Variants in PTK2 observed in about 807,000 individuals in gnomAD.
The protein encoded by PTK2 is protein tyrosine kinase 2, also known as focal adhesion kinase 1.
A neutral mutation model predicts 150.1 loss-of-function variants in PTK2; 45 were observed. That is an observed-to-expected ratio of 0.30 (90% CI 0.24 to 0.38). The LOEUF (loss-of-function observed/expected upper bound fraction) is 0.38, where lower values mean the gene tolerates loss of function less well. Ranked by LOEUF, PTK2 falls within the 10% of genes least tolerant of loss-of-function variation. PTK2 has a pLI of 1.00. For synonymous variants in PTK2, 432 were observed against 449.2 expected (o/e 0.96, Z 0.48); for missense variants, 919 against 1,307.3 (o/e 0.70, Z 4.58).
intron 20 of PTK2, among the ~76,000 whole-genome samples, chr8:140,740,041 G>A (rs983617277): frequency 6.6e-6 from 1 of 152,192 alleles, no homozygotes; most frequent in Non-Finnish European, 1.5e-5. Flanking sequence ...GGGGCAATGG[G>A]ATAAGAAGGA....
intron 26 of PTK2, among the ~76,000 whole-genome samples, chr8:140,699,833 G>A (rs370948441): frequency 3.3e-4 from 50 of 151,648 alleles, no homozygotes; most frequent in African/African-American, 1.1e-3. Context: ...TTAGGAGACA[G>A]AGTCTTGCTC....
intron 23 of PTK2, among the ~76,000 whole-genome samples, chr8:140,716,495 G>T (rs1277432042): frequency 6.6e-6 from 1 of 152,134 alleles, no homozygotes; most frequent in African/African-American, 2.4e-5. Flanking sequence ...CTGGGCCTCG[G>T]TCCTTCTCTC....
At chr8:140,674,538 G>A (rs1473774200) in intron 28 of PTK2, 134 bp from the exon 32 acceptor site, 12 of 718,792 alleles carry the variant, frequency 1.7e-5, no homozygotes, top group South Asian at 3.3e-5. Flanking sequence ...TCAGGAATTC[G>A]AGATCAGCCT....
At chr8:140,883,086 C>T (rs923733836) in intron 3 of PTK2, among the ~76,000 whole-genome samples, 4 of 152,146 alleles carry the variant, frequency 2.6e-5, no homozygotes, top group Non-Finnish European at 5.9e-5. Context: ...TTGCTTGGTT[C>T]CATTTAGCCA....
chr8:140,858,872 T>C (rs2100134416), intron 5 of PTK2, among the ~76,000 whole-genome samples: 2 of 152,146 alleles, frequency 1.3e-5, no homozygotes, highest in South Asian at 4.1e-4. Context: ...AAACAATTAG[T>C]ATCAAATGAG....
rs1311002680 is a variant in PTK2 at position 140,775,160 on chromosome 8, ATTTCCCTC to A, written c.1178-10878_1178-10871del. Among the ~76,000 whole-genome samples the A allele has an allele frequency of 3.9e-5, 6 of 152,214 alleles. No homozygotes were observed. In the South Asian group the frequency reaches 1.0e-3, roughly 26 times the overall value. ...AACTCCTTTCAGGTAACACCATGGTATTTCCCTCTTTCGGGGGAACCAGGATTCAATGT... is the reference window on the plus strand; with the variant it reads ...AACTCCTTTCAGGTAACACCATGGTATTTCGGGGGAACCAGGATTCAATGT... On this transcript the variant is annotated intron_variant, in intron 14 of 31. Coordinates refer to ENST00000522684, the Ensembl canonical transcript of PTK2.
At chr8:140,800,519 C>T in exon 12 of PTK2, 1 of 1,613,948 alleles carries the variant, frequency 6.2e-7, no homozygotes, top group Non-Finnish European at 8.5e-7. Flanking sequence ...CAGTACCCAT[C>T]TATTAGGTCA....
chr8:140,746,016 AAAAAG>A (rs2100058519), intron 18 of PTK2, among the ~76,000 whole-genome samples: 1 of 151,880 alleles, frequency 6.6e-6, no homozygotes, highest in Admixed American at 6.6e-5. Context: ...AAAAAAAAGA[AAAAAG>A]AAAAAAGAAA....
intron 1 of PTK2, among the ~76,000 whole-genome samples, chr8:140,989,889 CAA>C (rs1188789380): frequency 1.6e-5 from 2 of 127,578 alleles, no homozygotes; most frequent in Non-Finnish European, 3.3e-5. Flanking sequence ...GTCTGGGCAA[CAA>C]GAGCAAAACT....
At chr8:140,876,433 A>C (rs528534771) in intron 4 of PTK2, among the ~76,000 whole-genome samples, 1 of 152,198 alleles carries the variant, frequency 6.6e-6, no homozygotes, top group South Asian at 2.1e-4. Flanking sequence ...AAAAGTCTGA[A>C]TTTTTCTCTG....
At chr8:140,963,092 AC>A (rs1004313356) in intron 1 of PTK2, among the ~76,000 whole-genome samples, 38 of 152,244 alleles carry the variant, frequency 2.5e-4, no homozygotes, top group African/African-American at 8.7e-4. Flanking sequence ...GACCACTGAT[AC>A]CAACACGCAC....
At chr8:140,804,569 C>T (rs1321258237) in intron 10 of PTK2, among the ~76,000 whole-genome samples, 1 of 152,136 alleles carries the variant, frequency 6.6e-6, no homozygotes, top group Non-Finnish European at 1.5e-5. Flanking sequence ...ATACATGAAT[C>T]TTCCATCCTT....
intron 2 of PTK2, among the ~76,000 whole-genome samples, chr8:140,912,897 G>A (rs894233480): frequency 2.0e-5 from 3 of 152,092 alleles, no homozygotes; most frequent in Non-Finnish European, 2.9e-5. Context: ...AGTGAGCCGA[G>A]ATCGTGCCAC....
chr8:140,858,502 GA>G (rs2154605376), intron 5 of PTK2, among the ~76,000 whole-genome samples: 1 of 151,372 alleles, frequency 6.6e-6, no homozygotes, highest in East Asian at 1.9e-4. Context: ...AAACCAAAGA[GA>G]AAAAAGGATC....
chr8:140,941,344 T>C (rs76055082), intron 1 of PTK2, among the ~76,000 whole-genome samples: 4,098 of 152,290 alleles, frequency 0.027, 114 homozygotes, highest in African/African-American at 0.076. Context: ...AACACACAAA[T>C]AGTTCTCTGC....
At chr8:140,705,699 A>T (rs1231547648) in intron 24 of PTK2, among the ~76,000 whole-genome samples, 1 of 152,248 alleles carries the variant, frequency 6.6e-6, no homozygotes, top group Non-Finnish European at 1.5e-5. Flanking sequence ...TTTGCACAGG[A>T]TATCTATCTA....
At chr8:140,727,621 T>C (rs181122297) in intron 22 of PTK2, among the ~76,000 whole-genome samples, 133 of 152,242 alleles carry the variant, frequency 8.7e-4, no homozygotes, top group African/African-American at 3.1e-3. Flanking sequence ...ATGTCATTAA[T>C]CAAACCTAGA....
At chr8:140,921,776 A>G (rs909669504) in intron 2 of PTK2, among the ~76,000 whole-genome samples, 1 of 152,224 alleles carries the variant, frequency 6.6e-6, no homozygotes. Context: ...AACTCATACT[A>G]AAGAAGACAG....
At chr8:140,970,620 C>CGACTTGTGCCATCATCACCAT (rs1251417327) in intron 1 of PTK2, among the ~76,000 whole-genome samples, 4 of 152,238 alleles carry the variant, frequency 2.6e-5, no homozygotes, top group African/African-American at 9.6e-5. Flanking sequence ...ACCATCACCA[C>CGACTTGTGCCATCATCACCAT]GACTTGTGCC....
Sources: gnomAD v4.1 joint callset for allele counts (sites outside exome capture counted in the v4.1 genomes callset) on GRCh38, gnomAD v4.1.1 for gene constraint, MANE v1.5 for transcripts, NCBI Gene and HGNC (gene_info 2026-07-23, HGNC 2026-07-21) for gene names.